The following MICAL2 variants were observed in gnomAD, a reference collection of about 807,000 sequenced individuals.
MICAL2 encodes microtubule associated monooxygenase, calponin and LIM domain containing 2, also known as [F-actin]-monooxygenase MICAL2.
MICAL2 carries 77 observed loss-of-function variants against 127.3 expected under a neutral mutation model. The ratio of observed to expected loss-of-function variants is 0.60; its 90% confidence interval spans 0.50 to 0.73. MICAL2 has a LOEUF of 0.73. MICAL2 is among the 30% of genes least tolerant of loss of function. The pLI, the probability that MICAL2 is intolerant of heterozygous loss-of-function variation, is 0.00. For missense variants in MICAL2, 1,351 were observed against 1,434.4 expected (o/e 0.94, Z 0.94); for synonymous variants, 570 against 551.1 (o/e 1.03, Z -0.48).
chr11:12,161,670 C>G (rs1253987845), intron 2 of MICAL2: 3 of 159,048 alleles, frequency 1.9e-5, no homozygotes, highest in Non-Finnish European at 4.2e-5. Flanking sequence ...CATCAGCCAA[C>G]CAATTTGCAG....
chr11:12,313,167 C>CAA (rs61207104), intron 29 of MICAL2, among the ~76,000 whole-genome samples: 47,387 of 69,324 alleles, frequency 0.68, 17,550 homozygotes, highest in Non-Finnish European at 0.74. Flanking sequence ...GACTACATCT[C>CAA]AAAAAAAAAA....
intron 34 of MICAL2, among the ~76,000 whole-genome samples, chr11:12,355,346 G>A (rs188584396): frequency 6.6e-6 from 1 of 152,290 alleles, no homozygotes; most frequent in African/African-American, 2.4e-5. Context: ...TTCCCTCCCA[G>A]CGTGGGCAGG....
At chr11:12,293,944 G>A (rs759273717), downstream of MICAL2, 7 of 1,613,584 alleles carry the variant, frequency 4.3e-6, no homozygotes, top group South Asian at 1.1e-5. Context: ...GGCCAGTGCT[G>A]GTAAAGGAGA....
intron 1 of MICAL2, among the ~76,000 whole-genome samples, chr11:12,112,348 C>A (rs1326556671): frequency 6.6e-6 from 1 of 152,152 alleles, no homozygotes; most frequent in Non-Finnish European, 1.5e-5. Context: ...AACCCCTTAT[C>A]CTCCCCCTAG....
chr11:12,327,246 A>G, exon 32 of MICAL2: 2 of 1,550,650 alleles, frequency 1.3e-6, no homozygotes, highest in Non-Finnish European at 8.7e-7. Flanking sequence ...AGGCTGGAGA[A>G]GGCGTTGCGA....
chr11:12,348,900 T>C (rs1358616898), intron 32 of MICAL2, among the ~76,000 whole-genome samples: 1 of 152,146 alleles, frequency 6.6e-6, no homozygotes, highest in Non-Finnish European at 1.5e-5. Flanking sequence ...CACTACAAAA[T>C]AAACAGCAGC....
At chr11:12,217,992 T>G (rs1856394003) in intron 8 of MICAL2, among the ~76,000 whole-genome samples, 1 of 152,214 alleles carries the variant, frequency 6.6e-6, no homozygotes, top group Non-Finnish European at 1.5e-5. Flanking sequence ...CCTGGAGGAA[T>G]GGCAAGTTTT....
At chr11:12,243,749 G>A (rs535265522) in intron 20 of MICAL2, among the ~76,000 whole-genome samples, 2 of 152,242 alleles carry the variant, frequency 1.3e-5, no homozygotes, top group African/African-American at 4.8e-5. Flanking sequence ...GATTGAATCT[G>A]CATGAGCTAT....
chr11:12,195,218 C>A (rs1704908257), intron 3 of MICAL2, among the ~76,000 whole-genome samples: 1 of 152,196 alleles, frequency 6.6e-6, no homozygotes. Flanking sequence ...GATTGTGGCA[C>A]TGTACTCCAG....
intron 32 of MICAL2, chr11:12,327,287 C>A: frequency 6.5e-7 from 1 of 1,542,004 alleles, no homozygotes; most frequent in South Asian, 1.2e-5. Flanking sequence ...CCAGCAGATC[C>A]GGAGCAGTGG....
downstream of MICAL2, among the ~76,000 whole-genome samples, chr11:12,289,197 T>C (rs1195717925): frequency 6.6e-6 from 1 of 152,228 alleles, no homozygotes; most frequent in African/African-American, 2.4e-5. Flanking sequence ...GCCTGGATGC[T>C]GAAACTCAGG....
At chr11:12,164,896 A>G (rs1565075635) in intron 3 of MICAL2, among the ~76,000 whole-genome samples, 1 of 152,172 alleles carries the variant, frequency 6.6e-6, no homozygotes, top group African/African-American at 2.4e-5. Flanking sequence ...GCACTTTGGG[A>G]AGCCAAGGCA....
At chr11:12,222,837 C>A (rs573022103) in intron 11 of MICAL2, 94 bp downstream of exon 11, 33 of 1,512,856 alleles carry the variant, frequency 2.2e-5, no homozygotes, top group Non-Finnish European at 2.8e-5. Context: ...TTGGTCCATT[C>A]CTGGGACTAA....
intron 30 of MICAL2, among the ~76,000 whole-genome samples, chr11:12,322,505 T>G (rs1325239623): frequency 6.6e-6 from 1 of 152,218 alleles, no homozygotes. Context: ...TTTTAGGTCC[T>G]AAGGAGAATT....
intron 2 of MICAL2, among the ~76,000 whole-genome samples, chr11:12,282,191 T>G (rs1198223468): frequency 6.6e-6 from 1 of 152,244 alleles, no homozygotes; most frequent in Admixed American, 6.5e-5. Context: ...ACCCTCATTT[T>G]TTAAAAAAGT....
intron 2 of MICAL2, among the ~76,000 whole-genome samples, chr11:12,152,707 A>G (rs1206971533): frequency 6.6e-6 from 1 of 152,204 alleles, no homozygotes; most frequent in African/African-American, 2.4e-5. Flanking sequence ...CTGCGGTCAA[A>G]TGAGATTTGG....
intron 3 of MICAL2, among the ~76,000 whole-genome samples, chr11:12,180,349 A>ATATATATATATATAT (rs11403732): frequency 2.6e-4 from 36 of 139,706 alleles, no homozygotes; most frequent in African/African-American, 9.6e-4. Context: ...ATATGTATAT[A>ATATATATATATATAT]TTTTTTTTTT....
At chr11:12,174,935 A>G (rs986777042) in intron 3 of MICAL2, among the ~76,000 whole-genome samples, 1 of 152,186 alleles carries the variant, frequency 6.6e-6, no homozygotes, top group Non-Finnish European at 1.5e-5. Flanking sequence ...AGCCTGGACA[A>G]CATGGCAAAA....
chr11:12,311,885 C>G (rs776508776), intron 29 of MICAL2, among the ~76,000 whole-genome samples: 1 of 151,954 alleles, frequency 6.6e-6, no homozygotes, highest in African/African-American at 2.4e-5. Context: ...TTTTGTGGAA[C>G]GTTTTTTAAT....
Sources: allele counts gnomAD v4.1 joint callset (sites outside exome capture counted in the v4.1 genomes callset), GRCh38; gene constraint gnomAD v4.1.1; transcripts MANE v1.5; gene names NCBI Gene and HGNC (gene_info 2026-07-23, HGNC 2026-07-21).